The following HMCN1 variants were observed in gnomAD, a reference collection of about 807,000 sequenced individuals.
HMCN1 encodes the protein hemicentin-1.
HMCN1 carries 321 observed loss-of-function variants against 625.9 expected under a neutral mutation model. The observed-to-expected ratio is 0.51, with a 90% CI of 0.47 to 0.56. The LOEUF (loss-of-function observed/expected upper bound fraction) is 0.56, where lower values mean the gene tolerates loss of function less well. Ranked by LOEUF, HMCN1 falls within the 20% of genes least tolerant of loss-of-function variation. The probability of loss-of-function intolerance (pLI) is 0.00; values close to 1 mark genes in which losing one functional copy is unlikely to be tolerated. For synonymous variants in HMCN1, 2,425 were observed against 2,417.6 expected (o/e 1.00, Z -0.09); for missense variants, 6,588 against 6,887.3 (o/e 0.96, Z 1.54).
At chr1:185,901,441 A>G (rs753797074) in intron 4 of HMCN1, among the ~76,000 whole-genome samples, 21 of 151,734 alleles carry the variant, frequency 1.4e-4, no homozygotes, top group Non-Finnish European at 3.0e-4. Context: ...TAATGTTACA[A>G]TGGTTAAGGG....
At chr1:186,077,318 T>A (rs1191246433) in intron 54 of HMCN1, among the ~76,000 whole-genome samples, 1 of 152,198 alleles carries the variant, frequency 6.6e-6, no homozygotes, top group African/African-American at 2.4e-5. Flanking sequence ...GGAAAATGGC[T>A]ATAAAAAACA....
rs1649358548 is a variant in HMCN1 at position 185,953,150 on chromosome 1, GAGGGGTAC to G, written c.1829-9367_1829-9360del. Among the ~76,000 whole-genome samples the G allele has an allele frequency of 2.6e-5, 4 of 151,550 alleles. No homozygotes were observed. The South Asian group carries it at 8.3e-4, about 32-fold the overall frequency. On this transcript the variant is annotated intron_variant, in intron 11 of 106. Transcript: ENST00000271588. ...GAAGGAGAAGGGGTTGAGGGGTACT[GAGGGGTAC>G]TTGCCCCTCCCCCCAGAAAAGCAGA...
chr1:185,845,240 G>A (rs1335884692), intron 1 of HMCN1, among the ~76,000 whole-genome samples: 1 of 151,642 alleles, frequency 6.6e-6, no homozygotes, highest in Non-Finnish European at 1.5e-5. Context: ...TTTTTTTTGA[G>A]ATGGAGTCTC....
chr1:185,898,718 A>G lies in HMCN1; in HGVS notation c.622-10619A>G, dbSNP rs1036474260. Among the ~76,000 whole-genome samples, 4 of 152,124 alleles carry G rather than the reference A, an allele frequency of 2.6e-5. No individual in the cohort carries two copies. In the South Asian group the frequency reaches 6.2e-4, roughly 24 times the overall value. On this transcript the variant is annotated intron_variant, in intron 4 of 106. Coordinates refer to ENST00000271588, the MANE Select transcript of HMCN1 (RefSeq NM_031935.3). ...CGGAGCCTGCTCTGGAGAGGTATAC[A>G]TATCTAGTTTAGTTCATTTTAGAGA...
chr1:185,968,415 A>C (rs922480794), intron 14 of HMCN1, among the ~76,000 whole-genome samples: 5 of 151,648 alleles, frequency 3.3e-5, no homozygotes, highest in African/African-American at 1.2e-4. Context: ...ATTATGCTAA[A>C]ATGTCATGCA....
At chr1:186,097,646 C>T (rs1403031287) in intron 68 of HMCN1, among the ~76,000 whole-genome samples, 1 of 151,778 alleles carries the variant, frequency 6.6e-6, no homozygotes, top group East Asian at 1.9e-4. Flanking sequence ...CAATCAGATT[C>T]AATGCAATTT....
chr1:185,840,956 A>C (rs1315301959), intron 1 of HMCN1, among the ~76,000 whole-genome samples: 2 of 152,202 alleles, frequency 1.3e-5, no homozygotes, highest in African/African-American at 2.4e-5. Context: ...CTCATTATCA[A>C]GGAACCACTT....
intron 1 of HMCN1, among the ~76,000 whole-genome samples, chr1:185,835,748 C>T (rs1661127529): frequency 6.7e-6 from 1 of 148,840 alleles, no homozygotes; most frequent in Admixed American, 6.6e-5. Flanking sequence ...AATATTTCTT[C>T]TATGAAGAGA....
At chr1:185,974,779 A>T (rs572376405) in intron 15 of HMCN1, among the ~76,000 whole-genome samples, 98 of 152,282 alleles carry the variant, frequency 6.4e-4, no homozygotes, top group African/African-American at 2.4e-3. Context: ...TTGTGATACC[A>T]GTACATATAT....
intron 86 of HMCN1, among the ~76,000 whole-genome samples, chr1:186,135,058 T>C (rs1649513627): frequency 6.6e-6 from 1 of 152,184 alleles, no homozygotes; most frequent in Non-Finnish European, 1.5e-5. Context: ...CCCTCTCCTC[T>C]CTGTTCAAAT....
At chr1:186,030,425 A>AT (rs1419962094) in intron 36 of HMCN1, among the ~76,000 whole-genome samples, 1 of 151,802 alleles carries the variant, frequency 6.6e-6, no homozygotes, top group Non-Finnish European at 1.5e-5. Context: ...AACCTTTTGT[A>AT]TTTTTTTTAA....
chr1:186,134,630 C>T (rs537209738), intron 86 of HMCN1, among the ~76,000 whole-genome samples: 19 of 152,190 alleles, frequency 1.2e-4, no homozygotes, highest in African/African-American at 4.3e-4. Context: ...CAACATGTCA[C>T]GGATACCTTT....
intron 11 of HMCN1, among the ~76,000 whole-genome samples, chr1:185,947,515 A>G (rs1297859361): frequency 6.6e-6 from 1 of 152,230 alleles, no homozygotes; most frequent in African/African-American, 2.4e-5. Flanking sequence ...ATCATAATTT[A>G]CTTAATTATT....
chr1:186,108,334 T>C, intron 70 of HMCN1, 127 bp from the exon 71 acceptor site: 1 of 1,430,762 alleles, frequency 7.0e-7, no homozygotes, highest in South Asian at 1.2e-5. Context: ...TGTAATTATC[T>C]AGGCTATAAA....
At chr1:185,942,712 A>G (rs562629850) in intron 11 of HMCN1, among the ~76,000 whole-genome samples, 8 of 152,264 alleles carry the variant, frequency 5.3e-5, no homozygotes, top group African/African-American at 1.9e-4. Context: ...AATTTAATTC[A>G]ATTCAGAAAT....
In HMCN1 at chr1:186,001,400, T is replaced by C; in HGVS notation, c.4172T>C (p.Ile1391Thr). ...GAAGTGGAAGGCACTCCATCTCCCA[T>C]CATTATGTGGTATAAAGATAATGTC... Reference protein sequence around the residue: ...FCEVEGTPSPIIMWYKDNVQV... With the variant: ...FCEVEGTPSPTIMWYKDNVQV... The change falls in exon 27 of 107, where the codon ATC (isoleucine) becomes ACC (threonine). Residue 1391 changes from isoleucine to threonine, a missense_variant. Coordinates refer to ENST00000271588, the MANE Select transcript of HMCN1 (RefSeq NM_031935.3). 1 of 1,612,640 alleles carries C rather than the reference T, an allele frequency of 6.2e-7. No individual in the cohort carries two copies. Among genetic ancestry groups the C allele is most frequent in the Non-Finnish European group, 8.5e-7 (1 of 1,178,934 alleles).
chr1:185,781,253 G>A (rs555876548), intron 1 of HMCN1, among the ~76,000 whole-genome samples: 1 of 151,378 alleles, frequency 6.6e-6, no homozygotes, highest in African/African-American at 2.4e-5. Flanking sequence ...TTCTTTATTA[G>A]TCTTGCTAGC....
rs1263179313 is a variant in HMCN1, at chr1:186,039,910, A to G, written c.6180+31A>G. ...TTCATTCATTTCTTTGGTGACATTTACCACCTGATTATTCAGTACAGGAAG... is the reference window on the plus strand; with the variant it reads ...TTCATTCATTTCTTTGGTGACATTTGCCACCTGATTATTCAGTACAGGAAG... On this transcript the variant is annotated intron_variant, in intron 39 of 106. Coordinates refer to ENST00000271588, the MANE Select transcript of HMCN1 (RefSeq NM_031935.3). 5 of 1,600,240 alleles carry G rather than the reference A, an allele frequency of 3.1e-6. No individual in the cohort carries two copies. The Admixed American group carries it at 5.0e-5, about 16-fold the overall frequency.
chr1:186,056,787 T>C (rs973913026), intron 45 of HMCN1, among the ~76,000 whole-genome samples: 1 of 151,834 alleles, frequency 6.6e-6, no homozygotes, highest in African/African-American at 2.4e-5. Context: ...AACTAACTCT[T>C]GGGTTCTATG....
Sources: gnomAD v4.1 joint callset for allele counts (sites outside exome capture counted in the v4.1 genomes callset) on GRCh38, gnomAD v4.1.1 for gene constraint, MANE v1.5 for transcripts, NCBI Gene and HGNC (gene_info 2026-07-23, HGNC 2026-07-21) for gene names.